Variants in EML6 observed in about 807,000 individuals in gnomAD.
EML6 encodes echinoderm microtubule-associated protein-like 6.
EML6 carries 154 observed loss-of-function variants against 240.1 expected under a neutral mutation model. That is an observed-to-expected ratio of 0.64 (90% CI 0.56 to 0.73). EML6 has a LOEUF of 0.73. EML6 is among the 30% of genes least tolerant of loss of function. The probability of loss-of-function intolerance (pLI) is 0.00; values close to 1 mark genes in which losing one functional copy is unlikely to be tolerated. For missense variants in EML6, 2,964 were observed against 2,474.6 expected, an observed-to-expected ratio of 1.20 and a Z score of -4.20; for synonymous variants, 1,148 against 899.0, an observed-to-expected ratio of 1.28 and a Z score of -4.95.
At chr2:54,826,882 C>CA (rs1668624184) in intron 5 of EML6, among the ~76,000 whole-genome samples, 1 of 152,084 alleles carries the variant, frequency 6.6e-6, no homozygotes, top group Non-Finnish European at 1.5e-5. Context: ...ACTAAAAATA[C>CA]CTAGATATAG....
At chr2:54,882,598 C>A (rs1397779879) in intron 17 of EML6, 1 of 151,978 alleles carries the variant, frequency 6.6e-6, no homozygotes, top group Non-Finnish European at 1.5e-5. Flanking sequence ...GTAGCTCACG[C>A]CCGTAATCCC....
intron 26 of EML6, among the ~76,000 whole-genome samples, chr2:54,925,017 T>C (rs1055904139): frequency 1.3e-5 from 2 of 152,224 alleles, no homozygotes; most frequent in African/African-American, 4.8e-5. Context: ...ACTTGAATGG[T>C]TGTGTCTTCC....
chr2:54,847,760 C>A (rs947073817), intron 9 of EML6, 137 bp downstream of exon 9: 2 of 780,614 alleles, frequency 2.6e-6, no homozygotes, highest in Admixed American at 4.4e-5. Flanking sequence ...GATCTACGAT[C>A]CCCTATCTGT....
chr2:54,824,541 C>G (rs548771498), intron 5 of EML6, among the ~76,000 whole-genome samples: 36 of 152,170 alleles, frequency 2.4e-4, no homozygotes, highest in African/African-American at 8.4e-4. Flanking sequence ...TCTTTGTACT[C>G]AAAGAAAATA....
rs977737085 is a variant in EML6, at chr2:54,853,767, A to G, written c.1569A>G (p.Ser523=). ...ACACTGAGGTTACTGACATCAACTC[A>G]GTGGATGCGAATTACAACAGCTCAG... The part of the protein sequence containing the change: ...PKYTEVTDIN[S]VDANYNSSVL... The change falls in exon 11 of 42, where the codon TCA becomes TCG. Residue 523 remains serine (S), a synonymous_variant. Transcript: ENST00000356458. 44 of 1,551,588 alleles carry G rather than the reference A, an allele frequency of 2.8e-5. No individual in the cohort carries two copies. The highest frequency in any genetic ancestry group is 3.8e-5 in the Non-Finnish European group (44 of 1,146,974).
At chr2:54,943,102 C>T (rs1400364892) in intron 28 of EML6, among the ~76,000 whole-genome samples, 13 of 152,192 alleles carry the variant, frequency 8.5e-5, no homozygotes, top group Non-Finnish European at 8.8e-5. Flanking sequence ...TGCTGCTTCT[C>T]AGCAGTCATC....
chr2:54,820,563 T>G, intron 5 of EML6, 101 bp downstream of exon 5: 1 of 712,050 alleles, frequency 1.4e-6, no homozygotes, highest in East Asian at 2.8e-5. Flanking sequence ...CTTTACATTT[T>G]TTTTCTTCAA....
At chr2:54,738,532 C>A (rs1683497512) in intron 2 of EML6, among the ~76,000 whole-genome samples, 1 of 152,190 alleles carries the variant, frequency 6.6e-6, no homozygotes, top group South Asian at 2.1e-4. Flanking sequence ...AAAATCAATA[C>A]CATCCATACC....
intron 16 of EML6, among the ~76,000 whole-genome samples, chr2:54,877,748 G>C (rs570117995): frequency 2.6e-5 from 4 of 152,382 alleles, no homozygotes; most frequent in African/African-American, 9.6e-5. Context: ...CTTAAGGAAA[G>C]TGTTAACGTC....
intron 2 of EML6, among the ~76,000 whole-genome samples, chr2:54,759,093 A>G (rs1394230722): frequency 2.0e-5 from 3 of 151,732 alleles, no homozygotes; most frequent in East Asian, 3.9e-4. Context: ...AGCAGCCTCC[A>G]TTAGGTGGAT....
intron 24 of EML6, among the ~76,000 whole-genome samples, chr2:54,910,046 A>G (rs1183133914): frequency 1.3e-5 from 2 of 152,148 alleles, no homozygotes; most frequent in African/African-American, 2.4e-5. Flanking sequence ...GTATATGTAT[A>G]CTGAATTATT....
chr2:54,876,353 T>C (rs1216007710), intron 16 of EML6, among the ~76,000 whole-genome samples: 2 of 152,154 alleles, frequency 1.3e-5, no homozygotes, highest in Non-Finnish European at 2.9e-5. Context: ...AAAAGAGGTA[T>C]GGCTGTTGAG....
Position 54,961,184 on chromosome 2 carries a change from G to GTTGTTTTTTTTTGTTTGTTTTTTTTTTT in EML6, c.4968+852_4968+853insGTTTTTTTTTGTTTGTTTTTTTTTTTTT. On this transcript the variant is annotated intron_variant, in intron 35 of 41. Coordinates refer to ENST00000356458, the MANE Select transcript of EML6 (RefSeq NM_001039753.4). ...GGAGCCTGGAAGTTATCAGGAAGTA[G>GTTGTTTTTTTTTGTTTGTTTTTTTTTTT]TTTTTTTTTTTTTTTTTTTGAGACG... 1.3e-4 allele frequency among the ~76,000 whole-genome samples: 7 copies of GTTGTTTTTTTTTGTTTGTTTTTTTTTTT among 55,424 alleles called. 1 individual carries two copies. Among genetic ancestry groups the GTTGTTTTTTTTTGTTTGTTTTTTTTTTT allele is most frequent in the Non-Finnish European group, 1.6e-4 (5 of 31,670 alleles). 36.4% of individuals were successfully genotyped at this position (55,424 alleles called of 152,430 possible).
intron 28 of EML6, among the ~76,000 whole-genome samples, chr2:54,947,357 T>C (rs1675742475): frequency 6.6e-6 from 1 of 152,110 alleles, no homozygotes; most frequent in South Asian, 2.1e-4. Flanking sequence ...GCCGGGGGTG[T>C]CGTTTTGCAG....
intron 16 of EML6, among the ~76,000 whole-genome samples, chr2:54,878,279 C>A (rs1280630207): frequency 6.6e-6 from 1 of 152,158 alleles, no homozygotes; most frequent in Non-Finnish European, 1.5e-5. Flanking sequence ...ACTGGCAGAA[C>A]TGGAAGAGGC....
At position 54,948,961 on chromosome 2, in the gene EML6, G is replaced by C; in HGVS notation, c.4083+1G>C. The C allele has an allele frequency of 1.3e-6, 2 of 1,548,032 alleles. No homozygotes were observed. The highest frequency in any genetic ancestry group is 4.9e-5 in the East Asian group (2 of 40,908). ...CACCAAAAAAAAGAAACTGGTTGAG[G>C]TGAGTTAAACAATCACTTGTAGTCT... On this transcript the variant is annotated splice_donor_variant, in intron 29 of 41. Coordinates refer to ENST00000356458, the MANE Select transcript of EML6 (RefSeq NM_001039753.4). LOFTEE classifies it high-confidence loss of function.
chr2:54,853,883 A>C (rs1423918319), intron 11 of EML6, 28 bp downstream of exon 11: 2 of 1,462,680 alleles, frequency 1.4e-6, no homozygotes, highest in African/African-American at 2.8e-5. Flanking sequence ...GTTTCATTGC[A>C]TAAAGATTTA....
intron 26 of EML6, among the ~76,000 whole-genome samples, chr2:54,927,023 C>G (rs898853956): frequency 2.0e-5 from 3 of 152,240 alleles, no homozygotes; most frequent in African/African-American, 4.8e-5. Flanking sequence ...CAGCAGGACA[C>G]ATGGCTGCAG....
intron 2 of EML6, among the ~76,000 whole-genome samples, chr2:54,775,687 G>C (rs1251205650): frequency 2.0e-5 from 3 of 152,132 alleles, no homozygotes; most frequent in Non-Finnish European, 4.4e-5. Flanking sequence ...ATATCCCCAG[G>C]AGAGTGCCTG....
Sources: allele counts gnomAD v4.1 joint callset (sites outside exome capture counted in the v4.1 genomes callset), GRCh38; gene constraint gnomAD v4.1.1; transcripts MANE v1.5; gene names NCBI Gene and HGNC (gene_info 2026-07-23, HGNC 2026-07-21).